ANK3: variants seen among roughly 807,000 people sequenced by gnomAD.
ANK3 encodes the protein ankyrin 3.
ANK3 carries 57 observed loss-of-function variants against 370.9 expected under a neutral mutation model. The observed-to-expected ratio is 0.15, with a 90% CI of 0.12 to 0.19. The LOEUF is 0.19. Among genes scored for constraint, ANK3 ranks in the 10% least tolerant of loss-of-function variants. ANK3 has a pLI of 1.00. For synonymous variants in ANK3, 1,929 were observed against 1,946.3 expected, an observed-to-expected ratio of 0.99 and a Z score of 0.23; for missense variants, 4,439 against 5,302.1, an observed-to-expected ratio of 0.84 and a Z score of 5.06.
intron 1 of ANK3, among the ~76,000 whole-genome samples, chr10:60,716,591 G>A (rs1398290542): frequency 2.0e-5 from 3 of 152,080 alleles, no homozygotes; most frequent in African/African-American, 7.2e-5. Context: ...ACAGCTCACT[G>A]CAACCTCCAC....
At chr10:60,172,261 CT>C in intron 21 of ANK3, 46 bp downstream of exon 21, 1 of 1,486,400 alleles carries the variant, frequency 6.7e-7, no homozygotes. Flanking sequence ...AGAAAACTGG[CT>C]GAAAGCTGGC....
At chr10:60,531,269 GA>G (rs1322738068) in intron 2 of ANK3, among the ~76,000 whole-genome samples, 1 of 152,094 alleles carries the variant, frequency 6.6e-6, no homozygotes, top group Non-Finnish European at 1.5e-5. Flanking sequence ...GAGCCTTCTA[GA>G]TACTGAAAGG....
intron 2 of ANK3, among the ~76,000 whole-genome samples, chr10:60,405,323 A>T (rs1188845238): frequency 1.3e-5 from 2 of 152,158 alleles, no homozygotes; most frequent in African/African-American, 4.8e-5. Context: ...CATACAATTA[A>T]TCTTAAAGAA....
chr10:60,546,102 C>T (rs1326119504), intron 2 of ANK3, among the ~76,000 whole-genome samples: 1 of 152,186 alleles, frequency 6.6e-6, no homozygotes, highest in African/African-American at 2.4e-5. Context: ...GTGGCACAAT[C>T]ATAGTTCTCT....
chr10:60,139,178 C>A (rs1415062701), intron 23 of ANK3, 91 bp from the exon 24 acceptor site: 1 of 1,462,896 alleles, frequency 6.8e-7, no homozygotes. Flanking sequence ...ATCAGCAAAT[C>A]CCCCAATATC....
At chr10:60,349,083 GA>G (rs1394222736) in intron 1 of ANK3, among the ~76,000 whole-genome samples, 1 of 16,454 alleles carries the variant, frequency 6.1e-5, no homozygotes, top group Non-Finnish European at 2.9e-4. Context: ...GAGAAACACA[GA>G]GAGGGAAGAG....
At chr10:60,247,225 A>G (rs1170855945) in intron 7 of ANK3, among the ~76,000 whole-genome samples, 2 of 151,940 alleles carry the variant, frequency 1.3e-5, no homozygotes, top group African/African-American at 4.8e-5. Flanking sequence ...CACCATGTTA[A>G]CCAGGATGGT....
At chr10:60,624,625 T>G (rs1236889439) in intron 1 of ANK3, among the ~76,000 whole-genome samples, 1 of 151,914 alleles carries the variant, frequency 6.6e-6, no homozygotes. Context: ...AAACTTACAG[T>G]TGGTGTCAGA....
At chr10:60,705,506 T>C (rs930765557) in intron 1 of ANK3, among the ~76,000 whole-genome samples, 2 of 152,338 alleles carry the variant, frequency 1.3e-5, no homozygotes, top group East Asian at 3.9e-4. Flanking sequence ...TAAGTTATGA[T>C]GAAACTAACT....
Position 60,558,346 on chromosome 10 carries a change from A to G in ANK3, c.96+56840T>C, listed in dbSNP as rs116277179. Among the ~76,000 whole-genome samples, 326 of 152,324 alleles carry G rather than the reference A, an allele frequency of 2.1e-3. 1 individual carries two copies. Among genetic ancestry groups the G allele is most frequent in the African/African-American group, 7.6e-3 (316 of 41,580 alleles). On this transcript the variant is annotated intron_variant, in intron 2 of 43. Transcript: ENST00000373827. ...AATTTAAGCTTGTAAGATTGTAACA[A>G]CTTGAAGTAGGTGCTAGGTATTCAT...
chr10:60,027,089 T>C lies in ANK3; in HGVS notation c.*2757A>G, dbSNP rs141537589. 106 of 152,234 alleles carry C rather than the reference T, an allele frequency of 7.0e-4. 1 individual carries two copies. Among genetic ancestry groups the C allele is most frequent in the African/African-American group, 2.2e-3 (91 of 41,530 alleles). 9.4% of individuals were successfully genotyped at this position (152,234 alleles called of 1,614,324 possible). On this transcript the variant is annotated 3_prime_UTR_variant, in exon 44 of 44. Transcript: ENST00000280772. ...CTCCTGCTTGATCGGAACCAAAGCA[T>C]ATCACATATACCTAAAGTCAAATTT...
In ANK3 at chr10:60,605,241, C is replaced by A. The variant is rs567813415; in HGVS notation, c.96+9945G>T. ...CTCCTTTTAGGTTCTACGGGAAACA[C>A]ATAAATGACACACATGACAAGATGT... On this transcript the variant is annotated intron_variant, in intron 2 of 43. Coordinates refer to the ANK3 transcript ENST00000373827. Among the ~76,000 whole-genome samples the A allele has an allele frequency of 1.3e-3, 201 of 152,122 alleles. 9 individuals are homozygous for A. The South Asian group carries it at 0.041, about 31-fold the overall frequency.
At chr10:60,335,857 T>G (rs1237967813) in intron 1 of ANK3, among the ~76,000 whole-genome samples, 7 of 152,208 alleles carry the variant, frequency 4.6e-5, no homozygotes, top group Middle Eastern at 3.4e-3. Context: ...AAACAAAGCA[T>G]AGAGAGGTGG....
At chr10:60,128,410 C>T (rs2093886825) in intron 25 of ANK3, among the ~76,000 whole-genome samples, 1 of 150,348 alleles carries the variant, frequency 6.7e-6, no homozygotes, top group African/African-American at 2.5e-5. Flanking sequence ...GATAGGGTCT[C>T]ACTATCTTGC....
chr10:60,672,617 G>T (rs2079076052), intron 1 of ANK3, among the ~76,000 whole-genome samples: 1 of 152,150 alleles, frequency 6.6e-6, no homozygotes, highest in South Asian at 2.1e-4. Context: ...CCAACTGAAT[G>T]TTCATCTGTA....
intron 2 of ANK3, among the ~76,000 whole-genome samples, chr10:60,403,892 T>G (rs1366116520): frequency 6.6e-6 from 1 of 152,222 alleles, no homozygotes; most frequent in African/African-American, 2.4e-5. Context: ...AAAGTGTATC[T>G]TGCTTGGTTT....
At chr10:60,508,554 C>G (rs1364129175) in intron 2 of ANK3, 1 of 152,610 alleles carries the variant, frequency 6.6e-6, no homozygotes, top group South Asian at 2.1e-4. Flanking sequence ...AGTTTTAGTC[C>G]ACAAAATGGC....
At chr10:60,122,298 G>C (rs888724735) in intron 25 of ANK3, among the ~76,000 whole-genome samples, 1 of 152,202 alleles carries the variant, frequency 6.6e-6, no homozygotes, top group African/African-American at 2.4e-5. Flanking sequence ...TCAATCTATG[G>C]GCACAGAGAG....
chr10:60,167,882 GC>G, intron 21 of ANK3, among the ~76,000 whole-genome samples: 1 of 152,062 alleles, frequency 6.6e-6, no homozygotes, highest in Non-Finnish European at 1.5e-5. Context: ...GTCTTTTCCA[GC>G]ATGTAATACT....
Sources: gnomAD v4.1 joint callset for allele counts (sites outside exome capture counted in the v4.1 genomes callset) on GRCh38, gnomAD v4.1.1 for gene constraint, MANE v1.5 for transcripts, NCBI Gene and HGNC (gene_info 2026-07-23, HGNC 2026-07-21) for gene names.